Variants in KCNT2 observed in about 807,000 individuals in gnomAD.
KCNT2 encodes potassium sodium-activated channel subfamily T member 2, also known as potassium channel subfamily T member 2.
A neutral mutation model predicts 153.8 loss-of-function variants in KCNT2; 67 were observed. That is an observed-to-expected ratio of 0.44 (90% CI 0.36 to 0.53). The LOEUF (loss-of-function observed/expected upper bound fraction) is 0.53. Among genes scored for constraint, KCNT2 ranks in the 20% least tolerant of loss-of-function variants. The pLI, the probability that KCNT2 is intolerant of heterozygous loss-of-function variation, is 0.00. For synonymous variants in KCNT2, 500 were observed against 458.8 expected, an observed-to-expected ratio of 1.09 and a Z score of -1.15; for missense variants, 975 against 1,354.8, an observed-to-expected ratio of 0.72 and a Z score of 4.40.
intron 18 of KCNT2, among the ~76,000 whole-genome samples, chr1:196,328,005 C>T (rs1664057914): frequency 6.6e-6 from 1 of 152,000 alleles, no homozygotes; most frequent in Admixed American, 6.6e-5. Flanking sequence ...AAACAAAGCA[C>T]CATGAGTAAA....
chr1:196,361,927 G>A (rs1558195286), intron 14 of KCNT2, among the ~76,000 whole-genome samples: 1 of 151,698 alleles, frequency 6.6e-6, no homozygotes, highest in Non-Finnish European at 1.5e-5. Flanking sequence ...GTGTGTGTGT[G>A]TGTGTTTCAC....
intron 16 of KCNT2, among the ~76,000 whole-genome samples, chr1:196,337,931 C>T (rs1420129986): frequency 6.6e-6 from 1 of 152,060 alleles, no homozygotes; most frequent in Non-Finnish European, 1.5e-5. Flanking sequence ...AACTAGGGAT[C>T]TTTGTTTCTT....
At chr1:196,503,584 G>C (rs565569377) in intron 1 of KCNT2, among the ~76,000 whole-genome samples, 4 of 152,218 alleles carry the variant, frequency 2.6e-5, no homozygotes, top group African/African-American at 9.6e-5. Context: ...AAGATGCTCT[G>C]ACAGTCTAGG....
At chr1:196,601,976 C>A (rs533903026) in intron 1 of KCNT2, among the ~76,000 whole-genome samples, 3 of 152,076 alleles carry the variant, frequency 2.0e-5, no homozygotes, top group East Asian at 3.9e-4. Context: ...ACTTAAATTA[C>A]AATTCAATTG....
chr1:196,259,800 T>C (rs1656841164), intron 25 of KCNT2, among the ~76,000 whole-genome samples: 1 of 151,940 alleles, frequency 6.6e-6, no homozygotes, highest in Admixed American at 6.6e-5. Flanking sequence ...CATCTCTTCA[T>C]TATAAAATAA....
At chr1:196,458,133 T>C (rs1243737089) in intron 8 of KCNT2, among the ~76,000 whole-genome samples, 2 of 151,816 alleles carry the variant, frequency 1.3e-5, no homozygotes, top group Non-Finnish European at 2.9e-5. Context: ...ACAAAATAAA[T>C]ATATAGGTGT....
intron 14 of KCNT2, among the ~76,000 whole-genome samples, chr1:196,369,956 A>G (rs575592295): frequency 1.3e-5 from 2 of 152,196 alleles, no homozygotes; most frequent in African/African-American, 2.4e-5. Context: ...GCAGCCAAAA[A>G]ACACATGAAA....
chr1:196,601,686 A>T (rs1390774041), intron 1 of KCNT2, among the ~76,000 whole-genome samples: 1 of 152,236 alleles, frequency 6.6e-6, no homozygotes, highest in Non-Finnish European at 1.5e-5. Flanking sequence ...CCAATTTTAT[A>T]GCCATCTTAC....
intron 16 of KCNT2, among the ~76,000 whole-genome samples, chr1:196,339,520 CAGAGAG>C (rs5779831): frequency 0.012 from 1,654 of 137,844 alleles, 27 homozygotes; most frequent in Admixed American, 0.037. Flanking sequence ...CACACACACA[CAGAGAG>C]AGAGAGAGAG....
At chr1:196,531,230 G>T (rs978214347) in intron 1 of KCNT2, among the ~76,000 whole-genome samples, 4 of 151,904 alleles carry the variant, frequency 2.6e-5, no homozygotes, top group Non-Finnish European at 5.9e-5. Flanking sequence ...ATGTCTTCTT[G>T]CCTCATCAGT....
At chr1:196,471,719 T>C (rs1380016391) in intron 5 of KCNT2, among the ~76,000 whole-genome samples, 2 of 143,530 alleles carry the variant, frequency 1.4e-5, no homozygotes, top group African/African-American at 6.0e-5. Context: ...ACCTTTTATC[T>C]CTCTTATGTC....
intron 3 of KCNT2, among the ~76,000 whole-genome samples, chr1:196,485,406 G>C (rs1679341943): frequency 1.3e-5 from 2 of 151,844 alleles, no homozygotes; most frequent in South Asian, 2.1e-4. Flanking sequence ...TTTCCTAAAG[G>C]GTCCAAAAGA....
Position 196,305,214 on chromosome 1 carries a change from T to C in KCNT2, c.2595+20A>G, listed in dbSNP as rs1234260379. On this transcript the variant is annotated intron_variant, in intron 22 of 27. Coordinates refer to ENST00000294725, the MANE Select transcript of KCNT2 (RefSeq NM_198503.5). ...ATAAAGATGGTTAAATCTAATTTAC[T>C]TGATAATGTGGGGTCTTACCTTTTC... 1 of 1,309,044 alleles carries C rather than the reference T, an allele frequency of 7.6e-7. No homozygotes were observed. The highest frequency in any genetic ancestry group is 1.1e-6 in the Non-Finnish European group (1 of 902,474). 81.1% of individuals were successfully genotyped at this position (1,309,044 alleles called of 1,614,324 possible).
chr1:196,353,342 C>T (rs1666904791), intron 14 of KCNT2, among the ~76,000 whole-genome samples: 2 of 151,848 alleles, frequency 1.3e-5, no homozygotes, highest in Admixed American at 6.6e-5. Context: ...CACTGTGCTC[C>T]TCTATCTGTC....
intron 1 of KCNT2, among the ~76,000 whole-genome samples, chr1:196,559,409 T>A (rs1659091454): frequency 6.6e-6 from 1 of 151,682 alleles, no homozygotes; most frequent in Admixed American, 6.6e-5. Flanking sequence ...AATATTTCGA[T>A]TGTTTCCAGT....
intron 1 of KCNT2, among the ~76,000 whole-genome samples, chr1:196,528,830 A>C (rs959025214): frequency 3.3e-5 from 5 of 152,142 alleles, no homozygotes; most frequent in Admixed American, 2.6e-4. Flanking sequence ...TAAAAGAAAC[A>C]GAAGCAGGCA....
intron 7 of KCNT2, among the ~76,000 whole-genome samples, chr1:196,465,709 TA>T: frequency 1.3e-5 from 2 of 152,040 alleles, no homozygotes; most frequent in Middle Eastern, 6.8e-3. Context: ...CATGAACTTT[TA>T]TGGAAAATCC....
chr1:196,276,882 T>A lies in KCNT2; in HGVS notation c.2910+3978A>T, dbSNP rs1658623380. Among the ~76,000 whole-genome samples, 3 of 152,082 alleles carry A rather than the reference T, an allele frequency of 2.0e-5. No homozygotes were observed. The South Asian group carries it at 6.2e-4, about 31-fold the overall frequency. Reference sequence around the variant, plus strand: ...TGACCTATCGCACGTCTCCTGCTCATCTCTCTGAAAGATTTTAGGATCCCC... The same window carrying A: ...TGACCTATCGCACGTCTCCTGCTCAACTCTCTGAAAGATTTTAGGATCCCC... On this transcript the variant is annotated intron_variant, in intron 25 of 27. Transcript: ENST00000294725.
intron 1 of KCNT2, among the ~76,000 whole-genome samples, chr1:196,593,295 A>AATATAT (rs200795914): frequency 0.01 from 1,317 of 128,720 alleles, 22 homozygotes; most frequent in African/African-American, 0.029. Context: ...TCATATATAT[A>AATATAT]ATATATATAT....
Sources: allele counts gnomAD v4.1 joint callset (sites outside exome capture counted in the v4.1 genomes callset), GRCh38; gene constraint gnomAD v4.1.1; transcripts MANE v1.5; gene names NCBI Gene and HGNC (gene_info 2026-07-23, HGNC 2026-07-21).